CNTN6: variants seen among roughly 807,000 people sequenced by gnomAD.
CNTN6 encodes contactin-6.
In CNTN6, 137 loss-of-function variants were observed where a neutral mutation model predicts 122.8. The observed-to-expected ratio is 1.12, with a 90% CI of 0.97 to 1.29. The LOEUF (loss-of-function observed/expected upper bound fraction) is 1.29. CNTN6 is among the 50% of genes most tolerant of loss of function. The pLI, the probability that CNTN6 is intolerant of heterozygous loss-of-function variation, is 0.00. For missense variants in CNTN6, 1,634 were observed against 1,223.4 expected (o/e 1.34, Z -5.01); for synonymous variants, 570 against 426.0 (o/e 1.34, Z -4.16).
At chr3:1,173,416 A>G (rs2093396222) in intron 2 of CNTN6, 2 of 380,554 alleles carry the variant, frequency 5.3e-6, no homozygotes, top group Admixed American at 6.6e-5. Flanking sequence ...TATTTCATTT[A>G]ATCCTCAGAA....
chr3:1,098,579 C>T (rs1409715379), intron 1 of CNTN6, among the ~76,000 whole-genome samples: 2 of 151,060 alleles, frequency 1.3e-5, no homozygotes, highest in East Asian at 3.9e-4. Context: ...TAATGTTTTC[C>T]TTCTGGCCAC....
At chr3:1,107,710 C>T (rs184701732) in intron 1 of CNTN6, among the ~76,000 whole-genome samples, 117 of 152,118 alleles carry the variant, frequency 7.7e-4, no homozygotes, top group Admixed American at 3.9e-3. Context: ...TTTCAGCTCT[C>T]ATGGTAGGTG....
intron 4 of CNTN6, among the ~76,000 whole-genome samples, chr3:1,265,493 C>T (rs943360880): frequency 6.6e-6 from 1 of 152,126 alleles, no homozygotes; most frequent in Non-Finnish European, 1.5e-5. Context: ...TTAATTCTGT[C>T]CCTCACACAA....
chr3:1,245,291 AT>A, intron 4 of CNTN6, among the ~76,000 whole-genome samples: 1 of 6,142 alleles, frequency 1.6e-4, no homozygotes, highest in Non-Finnish European at 3.0e-4. Flanking sequence ...ACATATATAT[AT>A]AACATATATA....
chr3:1,119,450 T>A (rs1345069707), intron 1 of CNTN6, among the ~76,000 whole-genome samples: 3 of 151,664 alleles, frequency 2.0e-5, no homozygotes, highest in Non-Finnish European at 4.4e-5. Context: ...TACATATAGG[T>A]TCATAGTCCT....
chr3:1,401,570 T>A (rs1271810473), intron 21 of CNTN6, 25 bp downstream of exon 21: 1 of 1,497,502 alleles, frequency 6.7e-7, no homozygotes, highest in Non-Finnish European at 9.2e-7. Flanking sequence ...TTTCCTTTAA[T>A]CATATCAATT....
intron 2 of CNTN6, among the ~76,000 whole-genome samples, chr3:1,205,590 A>G (rs780399235): frequency 6.6e-6 from 1 of 152,150 alleles, no homozygotes; most frequent in Non-Finnish European, 1.5e-5. Flanking sequence ...CTACCTATCT[A>G]CATCTACAAG....
chr3:1,303,716 G>C (rs9823079), intron 7 of CNTN6, among the ~76,000 whole-genome samples: 6,689 of 152,102 alleles, frequency 0.044, 480 homozygotes, highest in African/African-American at 0.15. Flanking sequence ...TGGATATCTA[G>C]TAATTTAAGA....
At chr3:1,344,353 G>C (rs1258404185) in intron 11 of CNTN6, among the ~76,000 whole-genome samples, 1 of 152,168 alleles carries the variant, frequency 6.6e-6, no homozygotes, top group East Asian at 1.9e-4. Context: ...TTCCAGACAG[G>C]CTGTATAGAG....
chr3:1,267,839 C>A (rs1193703590), intron 4 of CNTN6, among the ~76,000 whole-genome samples: 2 of 151,962 alleles, frequency 1.3e-5, no homozygotes, highest in Admixed American at 6.5e-5. Flanking sequence ...ATACACGTTT[C>A]TTTTGCCATT....
intron 7 of CNTN6, among the ~76,000 whole-genome samples, chr3:1,316,236 CAG>C (rs1180968723): frequency 2.6e-5 from 4 of 151,850 alleles, no homozygotes; most frequent in Non-Finnish European, 5.9e-5. Context: ...AAAGAAATAA[CAG>C]GGACTGGGCA....
At chr3:1,109,040 T>C (rs2091355429) in intron 1 of CNTN6, among the ~76,000 whole-genome samples, 1 of 152,070 alleles carries the variant, frequency 6.6e-6, no homozygotes, top group African/African-American at 2.4e-5. Flanking sequence ...TGAATTTTAA[T>C]TGTGGCAAAA....
intron 8 of CNTN6, among the ~76,000 whole-genome samples, chr3:1,325,279 A>G (rs1701372534): frequency 6.6e-6 from 1 of 151,978 alleles, no homozygotes. Context: ...ATTCCTTGTC[A>G]AGAATTTTAT....
chr3:1,113,381 G>A (rs950323071), intron 1 of CNTN6, among the ~76,000 whole-genome samples: 1 of 152,116 alleles, frequency 6.6e-6, no homozygotes, highest in Non-Finnish European at 1.5e-5. Flanking sequence ...CCAGAATCAT[G>A]ACTTATTCAG....
At position 1,302,040 on chromosome 3, in the gene CNTN6, C is replaced by T. The variant is rs149965992; in HGVS notation, c.761+4049C>T. On this transcript the variant is annotated intron_variant, in intron 7 of 22. Coordinates refer to ENST00000446702, the MANE Select transcript of CNTN6 (RefSeq NM_001289080.2). ...ATATAAAATTAACAAGCATAAAAGG[C>T]GACACACTCACTAGAAGATTAATTA... Among the ~76,000 whole-genome samples the T allele has an allele frequency of 3.7e-3, 565 of 152,100 alleles. 8 individuals carry two copies. Among genetic ancestry groups the T allele is most frequent in the African/African-American group, 0.013 (542 of 41,512 alleles).
At chr3:1,173,837 T>G (rs1340532297) in intron 2 of CNTN6, among the ~76,000 whole-genome samples, 1 of 152,014 alleles carries the variant, frequency 6.6e-6, no homozygotes, top group African/African-American at 2.4e-5. Flanking sequence ...GATATGCCAC[T>G]ACATGCTCCT....
intron 1 of CNTN6, among the ~76,000 whole-genome samples, chr3:1,130,663 C>T (rs2125098222): frequency 6.6e-6 from 1 of 152,190 alleles, no homozygotes; most frequent in African/African-American, 2.4e-5. Flanking sequence ...TTCTTGGGAT[C>T]CCAACTAAAC....
At chr3:1,116,750 G>A (rs912640393) in intron 1 of CNTN6, among the ~76,000 whole-genome samples, 3 of 136,384 alleles carry the variant, frequency 2.2e-5, no homozygotes, top group Non-Finnish European at 4.5e-5. Flanking sequence ...TGTCGCCCAG[G>A]CTGGAGTGCA....
intron 2 of CNTN6, among the ~76,000 whole-genome samples, chr3:1,180,527 T>C (rs1328194557): frequency 6.6e-6 from 1 of 152,252 alleles, no homozygotes; most frequent in Non-Finnish European, 1.5e-5. Context: ...GTTTACTAAA[T>C]ATTTTATCTA....
Sources: gnomAD v4.1 joint callset for allele counts (sites outside exome capture counted in the v4.1 genomes callset) on GRCh38, gnomAD v4.1.1 for gene constraint, MANE v1.5 for transcripts, NCBI Gene and HGNC (gene_info 2026-07-23, HGNC 2026-07-21) for gene names.